The following CUBN variants were observed in gnomAD, a reference collection of about 807,000 sequenced individuals.
CUBN encodes the protein cubilin.
CUBN carries 282 observed loss-of-function variants against 405.3 expected under a neutral mutation model. The observed-to-expected ratio is 0.70, with a 90% confidence interval of 0.63 to 0.77. The LOEUF is 0.77. Ranked by LOEUF, CUBN falls within the 30% of genes least tolerant of loss-of-function variation. The probability of loss-of-function intolerance (pLI) is 0.00; values close to 1 mark genes in which losing one functional copy is unlikely to be tolerated. For synonymous variants in CUBN, 1,684 were observed against 1,617.0 expected, an observed-to-expected ratio of 1.04 and a Z score of -0.99; for missense variants, 4,514 against 4,475.2, an observed-to-expected ratio of 1.01 and a Z score of -0.25.
At chr10:16,885,520 T>A (rs1840787524) in intron 56 of CUBN, among the ~76,000 whole-genome samples, 1 of 152,160 alleles carries the variant, frequency 6.6e-6, no homozygotes, top group Non-Finnish European at 1.5e-5. Context: ...AAAGGTGAAG[T>A]AATTTGCACA....
intron 27 of CUBN, among the ~76,000 whole-genome samples, chr10:17,020,896 C>A (rs948118253): frequency 2.6e-4 from 40 of 152,074 alleles, no homozygotes; most frequent in Non-Finnish European, 4.3e-4. Context: ...AAGGGAATAA[C>A]AAACAGTATA....
Position 16,947,105 on chromosome 10 carries a change from A to T in CUBN, c.5342+130T>A, listed in dbSNP as rs990081145. 6 of 971,380 alleles carry T rather than the reference A, an allele frequency of 6.2e-6. No individual in the cohort carries two copies. The African/African-American group carries it at 8.1e-5, about 13-fold the overall frequency. The allele number at this position is 971,380 out of a possible 1,614,324, so 60.2% of individuals were successfully genotyped here. A position where few individuals can be genotyped will look rare whatever the true frequency, so the allele number is the denominator to read the frequency against. Reference sequence around the variant, plus strand: ...TATTTATAACTCAAACTATGACTGAAACAGAGGAAATTTGGAAAAATACTT... The same window carrying T: ...TATTTATAACTCAAACTATGACTGATACAGAGGAAATTTGGAAAAATACTT... On this transcript the variant is annotated intron_variant, in intron 36 of 66. Transcript: ENST00000377833.
chr10:16,840,953 G>C lies in CUBN; in HGVS notation c.9758C>G (p.Thr3253Arg). 1 of 1,613,664 alleles carries C rather than the reference G, an allele frequency of 6.2e-7. No individual in the cohort carries two copies. Among genetic ancestry groups the C allele is most frequent in the Non-Finnish European group, 8.5e-7 (1 of 1,179,680 alleles). The part of the protein sequence containing the change: ...APFISSGNFL[T>R]VQFISDLTLE... Reference sequence around the variant, plus strand: ...TGTTAAGTCACTGATGAATTGAACCGTAAGGAAGTTACCAGAAGAGATAAA... The same window carrying C: ...TGTTAAGTCACTGATGAATTGAACCCTAAGGAAGTTACCAGAAGAGATAAA... The change falls in exon 61 of 67, where the codon ACG becomes AGG. Residue 3253 changes from threonine (T) to arginine (R), a missense_variant. Thr to Arg is a moderately conservative substitution (Grantham distance 71). Transcript: ENST00000377833.
intron 51 of CUBN, among the ~76,000 whole-genome samples, chr10:16,901,760 A>G (rs1248522335): frequency 6.6e-6 from 1 of 151,400 alleles, no homozygotes; most frequent in Non-Finnish European, 1.5e-5. Flanking sequence ...AGGCTGAGGC[A>G]GGAGAATCGC....
At chr10:17,010,655 A>T (rs1834155612) in intron 28 of CUBN, among the ~76,000 whole-genome samples, 1 of 152,034 alleles carries the variant, frequency 6.6e-6, no homozygotes, top group Admixed American at 6.6e-5. Context: ...TAAATAAATA[A>T]ATATATAAAT....
chr10:17,051,969 T>C (rs1835279811), intron 22 of CUBN, among the ~76,000 whole-genome samples: 1 of 151,314 alleles, frequency 6.6e-6, no homozygotes, highest in Non-Finnish European at 1.5e-5. Flanking sequence ...ACAGGAGAAA[T>C]AAAAGAAAAC....
At position 17,041,235 on chromosome 10, in the gene CUBN, G is replaced by A. The variant is rs201723615; in HGVS notation, c.3830-15C>T. The stretch of plus-strand genomic sequence containing the variant: ...ATTCTCACATGCTGGAAAAAGAAAT[G>A]ACTGTTAAGAACCACTATTATATAC... On this transcript the variant is annotated splice_polypyrimidine_tract_variant and intron_variant, in intron 26 of 66. Coordinates refer to ENST00000377833, the MANE Select transcript of CUBN (RefSeq NM_001081.4). The A allele has an allele frequency of 3.2e-5, 51 of 1,606,362 alleles. No individual in the cohort carries two copies. The highest frequency in any genetic ancestry group is 1.8e-4 in the Admixed American group (11 of 59,982).
intron 27 of CUBN, among the ~76,000 whole-genome samples, chr10:17,025,484 T>A (rs1404958044): frequency 6.6e-6 from 1 of 152,254 alleles, no homozygotes; most frequent in African/African-American, 2.4e-5. Flanking sequence ...ATAATGGTAC[T>A]TATCTCATAA....
At chr10:16,969,335 G>C (rs762645088) in intron 31 of CUBN, among the ~76,000 whole-genome samples, 24 of 151,164 alleles carry the variant, frequency 1.6e-4, no homozygotes, top group Non-Finnish European at 3.2e-4. Context: ...CTGTGAAAGA[G>C]GATGGAGGCT....
chr10:16,947,272 C>A lies in CUBN; in HGVS notation c.5305G>T (p.Val1769Phe), dbSNP rs74116778. Reference protein sequence around the residue: ...PPNVECVWNIVSSPGNRLQLS... With the variant: ...PPNVECVWNIFSSPGNRLQLS... The stretch of plus-strand genomic sequence containing the variant: ...TGGAGCCGGTTGCCAGGGGAACTGA[C>A]GATGTTCCAGACACATTCCACATTA... The change falls in exon 36 of 67, where the codon GTC (valine) becomes TTC (phenylalanine). Residue 1769 changes from valine (V) to phenylalanine (F), a missense_variant. By Grantham distance (50) the Val-to-Phe change is conservative (BLOSUM62 -1). This residue lies in a region of CUBN where 1,613 missense variants were observed against 1,542.8 expected (regional missense o/e 1.05). Coordinates refer to ENST00000377833, the MANE Select transcript of CUBN (RefSeq NM_001081.4). The A allele has an allele frequency of 3.1e-6, 5 of 1,613,816 alleles. No homozygotes were observed. Among genetic ancestry groups the A allele is most frequent in the Non-Finnish European group, 4.2e-6 (5 of 1,179,958 alleles).
At chr10:16,880,510 A>G (rs1263260506) in intron 56 of CUBN, among the ~76,000 whole-genome samples, 2 of 152,222 alleles carry the variant, frequency 1.3e-5, no homozygotes, top group African/African-American at 4.8e-5. Flanking sequence ...GGGAAGAGAG[A>G]GCATGCTGAC....
chr10:16,951,521 G>T lies in CUBN; in HGVS notation c.4969+755C>A, dbSNP rs79782541. Among the ~76,000 whole-genome samples, 5 of 152,170 alleles carry T rather than the reference G, an allele frequency of 3.3e-5. No homozygotes were observed. The East Asian group carries it at 9.7e-4, about 29-fold the overall frequency. The stretch of plus-strand genomic sequence containing the variant: ...CTGTATTTTCCTGCAAACCTCAAAG[G>T]AGGGCAGGGCTCCTCTGAAACAGGA... On this transcript the variant is annotated intron_variant, in intron 33 of 66. Coordinates refer to ENST00000377833, the MANE Select transcript of CUBN (RefSeq NM_001081.4).
At chr10:17,031,461 T>C (rs1386436772) in intron 27 of CUBN, among the ~76,000 whole-genome samples, 3 of 152,222 alleles carry the variant, frequency 2.0e-5, no homozygotes, top group Non-Finnish European at 4.4e-5. Flanking sequence ...CTAAGGAACT[T>C]GCCCAAGGTC....
At chr10:17,041,847 T>C (rs935653539) in intron 26 of CUBN, among the ~76,000 whole-genome samples, 2 of 152,072 alleles carry the variant, frequency 1.3e-5, no homozygotes, top group Admixed American at 1.3e-4. Flanking sequence ...AAGGAAAATG[T>C]GAAATTACAG....
chr10:16,984,390 T>A, intron 29 of CUBN, 111 bp from the exon 30 acceptor site: 2 of 1,042,988 alleles, frequency 1.9e-6, no homozygotes, highest in South Asian at 1.4e-5. Flanking sequence ...TTATTAGAGA[T>A]TGAAATCTCA....
At chr10:17,048,386 C>G (rs530750385) in intron 22 of CUBN, among the ~76,000 whole-genome samples, 1 of 152,348 alleles carries the variant, frequency 6.6e-6, no homozygotes, top group Non-Finnish European at 1.5e-5. Flanking sequence ...GTTACCTATT[C>G]AGTCGATTCT....
Position 16,869,813 on chromosome 10 carries a change from G to A in CUBN, c.9277C>T (p.His3093Tyr). The change falls in exon 59 of 67, where the codon CAT becomes TAT. Residue 3093 changes from histidine (H) to tyrosine (Y), a missense_variant. His to Tyr is a moderately conservative substitution (Grantham distance 83, BLOSUM62 2). Around this residue, in one of 5 missense-constraint regions of CUBN, gnomAD observed 1,186 missense variants for 1,186.9 expected, o/e 1.00. Coordinates refer to ENST00000377833, the MANE Select transcript of CUBN (RefSeq NM_001081.4). The stretch of plus-strand genomic sequence containing the variant: ...CCATCGTAAATTGCCAGGTAGTCAT[G>A]GGAGCAGGAGGTGGAGGGAACCACA... The part of the protein sequence containing the change: ...FDVVPSTSCS[H>Y]DYLAIYDGAN... The A allele has an allele frequency of 6.2e-7, 1 of 1,613,990 alleles. No homozygotes were observed. The highest frequency in any genetic ancestry group is 1.6e-4 in the Middle Eastern group (1 of 6,062).
chr10:17,027,158 G>A (rs1834689931), intron 27 of CUBN, among the ~76,000 whole-genome samples: 1 of 152,100 alleles, frequency 6.6e-6, no homozygotes, highest in South Asian at 2.1e-4. Context: ...CACAATTTGA[G>A]TCTTTTTATT....
In CUBN at chr10:16,862,143, GTC is replaced by G. The variant is rs764285300; in HGVS notation, c.9454+7491_9454+7492del. Among the ~76,000 whole-genome samples the G allele has an allele frequency of 4.0e-3, 485 of 121,360 alleles. 4 individuals are homozygous for G. The highest frequency in any genetic ancestry group is 0.014 in the African/African-American group (469 of 33,108). 79.6% of individuals were successfully genotyped at this position (121,360 alleles called of 152,430 possible). On this transcript the variant is annotated intron_variant, in intron 59 of 66. Coordinates refer to ENST00000377833, the MANE Select transcript of CUBN (RefSeq NM_001081.4). ...CAGCCTGGCAACAGAGTGAGACTCC[GTC>G]TCTCTCTCTCTCTCTCACACACACA...
Sources: allele counts gnomAD v4.1 joint callset (sites outside exome capture counted in the v4.1 genomes callset), GRCh38; gene constraint gnomAD v4.1.1; regional missense constraint gnomAD v4.1.1; transcripts MANE v1.5; gene names NCBI Gene and HGNC (gene_info 2026-07-23, HGNC 2026-07-21).